Variants in SH3KBP1 observed in about 807,000 individuals in gnomAD.
SH3KBP1 encodes SH3 domain-containing kinase-binding protein 1.
SH3KBP1 carries 8 observed loss-of-function variants against 50.1 expected under a neutral mutation model. That is an observed-to-expected ratio of 0.16 (90% confidence interval 0.09 to 0.29). SH3KBP1 has a LOEUF of 0.29. SH3KBP1 is among the 10% of genes least tolerant of loss of function. The pLI, the probability that SH3KBP1 is intolerant of heterozygous loss-of-function variation, is 1.00. For missense variants in SH3KBP1, 377 were observed against 535.2 expected, an observed-to-expected ratio of 0.70 and a Z score of 2.92; for synonymous variants, 227 against 218.6, an observed-to-expected ratio of 1.04 and a Z score of -0.34.
At chrX:19,583,154 TTATTATTA>T (rs2066433004) in intron 12 of SH3KBP1, among the ~76,000 whole-genome samples, 1 of 103,115 alleles carries the variant, frequency 9.7e-6, no homozygotes, top group African/African-American at 3.6e-5. Flanking sequence ...ATTATTATTA[TTATTATTA>T]TTATTTTTGA....
At chrX:19,782,332 G>A (rs1177574818) in intron 2 of SH3KBP1, among the ~76,000 whole-genome samples, 1 of 111,902 alleles carries the variant, frequency 8.9e-6, no homozygotes, top group Non-Finnish European at 1.9e-5. Context: ...AGGGCACATT[G>A]ATTCTGGACT....
intron 13 of SH3KBP1, among the ~76,000 whole-genome samples, chrX:19,567,557 A>T (rs28741672): frequency 0.051 from 1,785 of 34,681 alleles, 205 homozygotes; most frequent in African/African-American, 0.17. Flanking sequence ...AAAAAAAAAA[A>T]ATATATATAT....
At chrX:19,558,065 C>G (rs2065547601) in intron 13 of SH3KBP1, among the ~76,000 whole-genome samples, 1 of 111,988 alleles carries the variant, frequency 8.9e-6, no homozygotes, top group Non-Finnish European at 1.9e-5. Context: ...TTAAAAATTG[C>G]TCACTACAGG....
chrX:19,779,532 T>G (rs1435243125), intron 2 of SH3KBP1, among the ~76,000 whole-genome samples: 1 of 98,178 alleles, frequency 1.0e-5, no homozygotes, highest in Non-Finnish European at 2.0e-5. Flanking sequence ...ACCCACTAAC[T>G]CGTCATCTAG....
At chrX:19,627,235 C>T (rs1569355888) in intron 8 of SH3KBP1, among the ~76,000 whole-genome samples, 2 of 112,177 alleles carry the variant, frequency 1.8e-5, no homozygotes, top group Non-Finnish European at 3.8e-5. Context: ...GGGAACATGG[C>T]CACTCTCCAC....
At chrX:19,842,838 C>T (rs777535878) in intron 1 of SH3KBP1, among the ~76,000 whole-genome samples, 1 of 110,186 alleles carries the variant, frequency 9.1e-6, no homozygotes, top group East Asian at 2.9e-4. Flanking sequence ...AAGTGAGATC[C>T]CTGAAGCTGC....
chrX:19,631,877 G>C lies in SH3KBP1; in HGVS notation c.884C>G (p.Thr295Ser), dbSNP rs781543115. 41 of 1,183,205 alleles carry C rather than the reference G, an allele frequency of 3.5e-5. No homozygotes were observed. In the East Asian group the frequency reaches 1.1e-3, roughly 31 times the overall value. The part of the protein sequence containing the change: ...ELTIKEGDIV[T>S]LINKDCIDVG... The stretch of plus-strand genomic sequence containing the variant: ...ACCTTTGTTTACCTTATTGATGAGA[G>C]TGACTATATCTCCTTCTTTGATTGT... The change falls in exon 8 of 18, where the codon ACT becomes AGT. Residue 295 changes from threonine (T) to serine (S), a missense_variant. Around this residue, in one of 3 missense-constraint regions of SH3KBP1, gnomAD observed 257 missense variants for 374.2 expected, o/e 0.69. Transcript: ENST00000397821.
chrX:19,717,923 T>C (rs1603097001), intron 3 of SH3KBP1, among the ~76,000 whole-genome samples: 1 of 111,131 alleles, frequency 9.0e-6, no homozygotes, highest in African/African-American at 3.3e-5. Context: ...AAGATATATG[T>C]ATAAGAAGGT....
intron 3 of SH3KBP1, among the ~76,000 whole-genome samples, chrX:19,709,453 G>T (rs2063727752): frequency 8.9e-6 from 1 of 112,150 alleles, no homozygotes; most frequent in Admixed American, 9.4e-5. Flanking sequence ...CAATCATTTT[G>T]CAAATGAGGA....
chrX:19,595,759 T>C (rs761454113), intron 9 of SH3KBP1, among the ~76,000 whole-genome samples: 1 of 111,435 alleles, frequency 9.0e-6, no homozygotes, highest in South Asian at 3.8e-4. Context: ...ATGATCAGGC[T>C]GGACTTGGAA....
intron 3 of SH3KBP1, among the ~76,000 whole-genome samples, chrX:19,721,001 G>A (rs942771719): frequency 9.0e-6 from 1 of 111,284 alleles, no homozygotes; most frequent in African/African-American, 3.3e-5. Context: ...AATTCCACAT[G>A]TACCCTCTCT....
At chrX:19,843,504 C>T in intron 1 of SH3KBP1, among the ~76,000 whole-genome samples, 1 of 111,538 alleles carries the variant, frequency 9.0e-6, no homozygotes, top group Non-Finnish European at 1.9e-5. Context: ...ACATACCAGC[C>T]ACGTTTTCCT....
At chrX:19,687,667 A>G (rs1327234358) in intron 5 of SH3KBP1, 2 of 1,206,123 alleles carry the variant, frequency 1.7e-6, no homozygotes, top group Admixed American at 2.2e-5. Context: ...TCGGTACAGA[A>G]TTGTCCCTTC....
chrX:19,725,037 T>C (rs747026082), intron 3 of SH3KBP1, among the ~76,000 whole-genome samples: 23 of 111,047 alleles, frequency 2.1e-4, no homozygotes, highest in Admixed American at 1.7e-3. Flanking sequence ...TTAACAACCA[T>C]CTCATAAACA....
At chrX:19,581,748 A>T (rs1212963938) in intron 12 of SH3KBP1, among the ~76,000 whole-genome samples, 1 of 109,495 alleles carries the variant, frequency 9.1e-6, no homozygotes, top group Non-Finnish European at 1.9e-5. Flanking sequence ...TTGGCATATA[A>T]ATGTTTACTT....
At chrX:19,780,732 T>C (rs2066153602) in intron 2 of SH3KBP1, among the ~76,000 whole-genome samples, 1 of 108,244 alleles carries the variant, frequency 9.2e-6, no homozygotes, top group Non-Finnish European at 1.9e-5. Flanking sequence ...TTTCTCAGGT[T>C]TGTCAAAGAT....
chrX:19,565,467 T>C (rs1033646969), intron 13 of SH3KBP1, among the ~76,000 whole-genome samples: 4 of 111,643 alleles, frequency 3.6e-5, no homozygotes, highest in African/African-American at 6.5e-5. Flanking sequence ...ACATCCTTCA[T>C]AGGGCTATGG....
intron 7 of SH3KBP1, among the ~76,000 whole-genome samples, chrX:19,637,151 T>C (rs1043412532): frequency 1.2e-4 from 14 of 112,264 alleles, no homozygotes; most frequent in African/African-American, 4.5e-4. Context: ...CATCCTCAGC[T>C]GGGGGCTGGG....
chrX:19,771,451 A>G (rs1008347101), intron 2 of SH3KBP1, among the ~76,000 whole-genome samples: 2 of 111,570 alleles, frequency 1.8e-5, no homozygotes, highest in Admixed American at 9.5e-5. Flanking sequence ...TCCTGCCTCA[A>G]TGGTGGTGCA....
Sources: allele counts gnomAD v4.1 joint callset (sites outside exome capture counted in the v4.1 genomes callset), GRCh38; gene constraint gnomAD v4.1.1; regional missense constraint gnomAD v4.1.1; transcripts MANE v1.5; gene names NCBI Gene and HGNC (gene_info 2026-07-23, HGNC 2026-07-21).